PARD3B: variants seen among roughly 807,000 people sequenced by gnomAD.
PARD3B encodes the protein partitioning defective 3 homolog B.
Under a neutral mutation model 130.2 loss-of-function variants are expected in PARD3B, and 103 were observed. That is an observed-to-expected ratio of 0.79 (90% CI 0.67 to 0.93). The LOEUF is 0.93. Ranked by LOEUF, PARD3B falls within the 40% of genes least tolerant of loss-of-function variation. The probability of loss-of-function intolerance (pLI) is 0.00; values close to 1 mark genes in which losing one functional copy is unlikely to be tolerated. For synonymous variants in PARD3B, 583 were observed against 553.2 expected, an observed-to-expected ratio of 1.05 and a Z score of -0.76; for missense variants, 1,609 against 1,499.2, an observed-to-expected ratio of 1.07 and a Z score of -1.21.
intron 10 of PARD3B, among the ~76,000 whole-genome samples, chr2:205,135,623 A>G (rs1320522943): frequency 6.6e-6 from 1 of 151,398 alleles, no homozygotes; most frequent in East Asian, 1.9e-4. Flanking sequence ...AGACACTTAA[A>G]TAACAATCTG....
intron 1 of PARD3B, among the ~76,000 whole-genome samples, chr2:204,599,120 T>A (rs58442755): frequency 1.3e-5 from 2 of 151,960 alleles, no homozygotes; most frequent in Non-Finnish European, 2.9e-5. Flanking sequence ...ATACATACAG[T>A]GAAGGCACAG....
intron 3 of PARD3B, among the ~76,000 whole-genome samples, chr2:204,978,721 G>T (rs1297557782): frequency 6.6e-6 from 1 of 152,032 alleles, no homozygotes; most frequent in Non-Finnish European, 1.5e-5. Flanking sequence ...TAGCATTCTG[G>T]GAGGCTGAAG....
intron 3 of PARD3B, among the ~76,000 whole-genome samples, chr2:205,022,642 A>G (rs998600014): frequency 2.6e-5 from 4 of 152,204 alleles, no homozygotes; most frequent in Non-Finnish European, 5.9e-5. Flanking sequence ...ATTCCAGACC[A>G]TGCTAACTTC....
At chr2:205,278,503 AG>A in intron 16 of PARD3B, among the ~76,000 whole-genome samples, 1 of 152,254 alleles carries the variant, frequency 6.6e-6, no homozygotes, top group South Asian at 2.1e-4. Flanking sequence ...TTTTTTTCAA[AG>A]GTCTGATAAA....
At chr2:204,997,126 C>G (rs1218627682) in intron 3 of PARD3B, among the ~76,000 whole-genome samples, 1 of 152,202 alleles carries the variant, frequency 6.6e-6, no homozygotes, top group Admixed American at 6.5e-5. Flanking sequence ...GTCATTCTTT[C>G]AATTCTTGTA....
At chr2:204,957,841 A>G (rs1430358631) in intron 2 of PARD3B, among the ~76,000 whole-genome samples, 1 of 152,102 alleles carries the variant, frequency 6.6e-6, no homozygotes, top group African/African-American at 2.4e-5. Flanking sequence ...TCACAGTCTT[A>G]CTTAGATTTA....
intron 2 of PARD3B, among the ~76,000 whole-genome samples, chr2:204,942,539 AGAGT>A (rs1276619112): frequency 1.3e-5 from 2 of 152,170 alleles, no homozygotes; most frequent in Non-Finnish European, 2.9e-5. Flanking sequence ...AGAGAGAAGT[AGAGT>A]GAGAGGAAAA....
intron 1 of PARD3B, among the ~76,000 whole-genome samples, chr2:204,619,236 A>G (rs2125125580): frequency 6.6e-6 from 1 of 152,294 alleles, no homozygotes; most frequent in East Asian, 1.9e-4. Context: ...TGTGCCATCC[A>G]GCAGCCTCAC....
At chr2:205,217,987 G>C (rs1357938340) in intron 15 of PARD3B, among the ~76,000 whole-genome samples, 1 of 148,796 alleles carries the variant, frequency 6.7e-6, no homozygotes. Flanking sequence ...CCACCTCCTG[G>C]GTTCAAGCGA....
intron 4 of PARD3B, among the ~76,000 whole-genome samples, chr2:205,050,924 G>T (rs76803560): frequency 1.3e-5 from 2 of 152,084 alleles, no homozygotes; most frequent in African/African-American, 4.8e-5. Flanking sequence ...GTTAGTGCCC[G>T]TTGTTCTGGC....
chr2:205,475,180 G>A (rs148114198), intron 20 of PARD3B, among the ~76,000 whole-genome samples: 86 of 152,060 alleles, frequency 5.7e-4, no homozygotes, highest in African/African-American at 1.9e-3. Flanking sequence ...ATAGAATAGC[G>A]TCCCTTTGAA....
intron 2 of PARD3B, among the ~76,000 whole-genome samples, chr2:204,726,072 G>A (rs949013234): frequency 5.3e-5 from 8 of 152,266 alleles, no homozygotes; most frequent in African/African-American, 9.6e-5. Flanking sequence ...CTAGGGCTGC[G>A]GACCACCCAT....
intron 2 of PARD3B, among the ~76,000 whole-genome samples, chr2:204,796,237 T>C (rs2042371968): frequency 6.6e-6 from 1 of 152,210 alleles, no homozygotes; most frequent in African/African-American, 2.4e-5. Context: ...TATGATCAAA[T>C]GGTTATGTTC....
In PARD3B at chr2:205,176,768, A is replaced by G. The variant is rs562506564; in HGVS notation, c.1924+191A>G. 1.3e-5 allele frequency among the ~76,000 whole-genome samples: 2 copies of G among 152,236 alleles called. No homozygotes were observed. Among genetic ancestry groups the G allele is most frequent in the African/African-American group, 4.8e-5 (2 of 41,544 alleles). ...GAACTTGTGAATCAGATTCCTGGCA[A>G]TGTCTCTAGTTTAAGTGACACTTTC... On this transcript the variant is annotated intron_variant, in intron 13 of 22. Transcript: ENST00000406610. The surrounding 1 kb of genome is among the most constrained non-coding windows in gnomAD (Gnocchi z 5.3).
intron 1 of PARD3B, among the ~76,000 whole-genome samples, chr2:204,552,176 C>T (rs1217867062): frequency 6.6e-6 from 1 of 152,186 alleles, no homozygotes; most frequent in South Asian, 2.1e-4. Flanking sequence ...CAGTCCTTAA[C>T]TTGACATTGC....
chr2:204,567,055 G>A (rs373254719), intron 1 of PARD3B, among the ~76,000 whole-genome samples: 2 of 151,938 alleles, frequency 1.3e-5, no homozygotes, highest in African/African-American at 4.8e-5. Flanking sequence ...ATTTTTGTAT[G>A]TTTAGTAGAG....
intron 1 of PARD3B, among the ~76,000 whole-genome samples, chr2:204,649,306 T>G (rs957829333): frequency 6.6e-6 from 1 of 151,764 alleles, no homozygotes; most frequent in African/African-American, 2.4e-5. Context: ...TTTAAGAGTC[T>G]ATTTTTTATG....
chr2:204,897,174 A>G lies in PARD3B; in HGVS notation c.223-67978A>G, dbSNP rs559127188. 1.8e-3 allele frequency among the ~76,000 whole-genome samples: 270 copies of G among 152,214 alleles called. 1 individual carries two copies. Among genetic ancestry groups the G allele is most frequent in the Non-Finnish European group, 2.8e-3 (193 of 67,976 alleles). On this transcript the variant is annotated intron_variant, in intron 2 of 22. Coordinates refer to ENST00000406610, the MANE Select transcript of PARD3B (RefSeq NM_001302769.2). ...TTTAGCTATTAAATCCCTGGTTTCT[A>G]TAAGGGCTTAGACATATCAGAATAT... is the stretch of plus-strand genomic sequence containing the variant.
chr2:204,712,621 AAAAAAC>A (rs1421832283), intron 2 of PARD3B, among the ~76,000 whole-genome samples: 2 of 150,956 alleles, frequency 1.3e-5, no homozygotes, highest in East Asian at 1.9e-4. Context: ...CTCAAAAAAA[AAAAAAC>A]AAAAAAAAAA....
Sources: allele counts gnomAD v4.1 joint callset (sites outside exome capture counted in the v4.1 genomes callset), GRCh38; gene constraint gnomAD v4.1.1; non-coding constraint Gnocchi (gnomAD v3.1); transcripts MANE v1.5; gene names NCBI Gene and HGNC (gene_info 2026-07-23, HGNC 2026-07-21).